Variants in BEND6 observed in about 807,000 individuals in gnomAD.
The protein encoded by BEND6 is BEN domain containing 6, also known as BEN domain-containing protein 6.
In BEND6, 24 loss-of-function variants were observed where a neutral mutation model predicts 31.8. The ratio of observed to expected loss-of-function variants is 0.75; its 90% CI spans 0.55 to 1.06. The LOEUF (loss-of-function observed/expected upper bound fraction) is 1.06, where lower values mean the gene tolerates loss of function less well. Among genes scored for constraint, BEND6 ranks in the 50% least tolerant of loss-of-function variants. BEND6 has a pLI of 0.00. For synonymous variants in BEND6, 109 were observed against 114.6 expected (o/e 0.95, Z 0.31); for missense variants, 294 against 327.4 (o/e 0.90, Z 0.79).
At chr6:57,022,471 T>C (rs1358448614) in intron 6 of BEND6, among the ~76,000 whole-genome samples, 1 of 151,968 alleles carries the variant, frequency 6.6e-6, no homozygotes, top group Non-Finnish European at 1.5e-5. Flanking sequence ...TCGGTTATTA[T>C]GTATCCTTTT....
chr6:56,965,363 T>TA (rs1562534531), intron 1 of BEND6, among the ~76,000 whole-genome samples: 1 of 152,134 alleles, frequency 6.6e-6, no homozygotes. Flanking sequence ...TTTGATAGTA[T>TA]AAAATTACAA....
At chr6:56,979,367 A>T (rs1218198405) in intron 1 of BEND6, among the ~76,000 whole-genome samples, 1 of 152,228 alleles carries the variant, frequency 6.6e-6, no homozygotes, top group African/African-American at 2.4e-5. Flanking sequence ...CCTAAAAATC[A>T]TTGAATTGTA....
At chr6:56,971,124 G>A (rs1482647005) in intron 1 of BEND6, among the ~76,000 whole-genome samples, 2 of 152,190 alleles carry the variant, frequency 1.3e-5, no homozygotes, top group Non-Finnish European at 2.9e-5. Context: ...TTAAACAATA[G>A]TTCCTATTCC....
intron 3 of BEND6, among the ~76,000 whole-genome samples, chr6:56,996,839 C>T (rs780575160): frequency 3.3e-5 from 5 of 152,088 alleles, no homozygotes; most frequent in Non-Finnish European, 5.9e-5. Flanking sequence ...CCACCATTAC[C>T]TCTCATCTAT....
At chr6:57,015,031 T>C (rs182332221) in intron 3 of BEND6, 102 bp from the exon 4 acceptor site, 139 of 843,986 alleles carry the variant, frequency 1.6e-4, no homozygotes, top group Admixed American at 1.5e-3. Context: ...ATGTTAAGTT[T>C]GTTCTGCATA....
chr6:57,011,554 C>CA, intron 3 of BEND6, among the ~76,000 whole-genome samples: 1 of 151,106 alleles, frequency 6.6e-6, no homozygotes, highest in South Asian at 2.1e-4. Context: ...TCCATTTCTA[C>CA]AAAAAATAAA....
At chr6:56,969,283 G>A (rs1825604112) in intron 1 of BEND6, among the ~76,000 whole-genome samples, 1 of 152,118 alleles carries the variant, frequency 6.6e-6, no homozygotes, top group South Asian at 2.1e-4. Flanking sequence ...TTTCAATCTT[G>A]ATTTGTCTTC....
intron 5 of BEND6, 121 bp from the exon 6 acceptor site, chr6:57,018,300 C>A: frequency 9.2e-7 from 1 of 1,085,898 alleles, no homozygotes; most frequent in Non-Finnish European, 1.3e-6. Context: ...GGTGTTTGGG[C>A]TACTTTTGTA....
At chr6:57,001,196 C>T (rs568104242) in intron 3 of BEND6, among the ~76,000 whole-genome samples, 9 of 143,600 alleles carry the variant, frequency 6.3e-5, no homozygotes, top group East Asian at 2.0e-4. Flanking sequence ...CAGGGTCTTG[C>T]TCTGTTGCCC....
intron 1 of BEND6, among the ~76,000 whole-genome samples, chr6:56,971,033 A>T (rs1825670640): frequency 6.6e-6 from 1 of 152,190 alleles, no homozygotes; most frequent in Admixed American, 6.5e-5. Context: ...AACATTAAAT[A>T]CCTTAGTATT....
At chr6:57,021,883 C>T (rs758376260) in intron 6 of BEND6, among the ~76,000 whole-genome samples, 8 of 152,122 alleles carry the variant, frequency 5.3e-5, no homozygotes, top group Non-Finnish European at 8.8e-5. Context: ...CTTCCTCCAA[C>T]GCAGGGTATT....
chr6:56,965,463 G>A (rs923038453), intron 1 of BEND6, among the ~76,000 whole-genome samples: 2 of 151,910 alleles, frequency 1.3e-5, no homozygotes, highest in Non-Finnish European at 2.9e-5. Context: ...TGTAACACCA[G>A]GACTTGTGTC....
intron 3 of BEND6, chr6:57,004,882 A>G: frequency 1.6e-6 from 1 of 607,712 alleles, no homozygotes. Context: ...ACATGGTGGC[A>G]TGTGCCAGTA....
intron 6 of BEND6, among the ~76,000 whole-genome samples, chr6:57,024,908 T>C (rs1827856671): frequency 6.6e-6 from 1 of 152,212 alleles, no homozygotes; most frequent in African/African-American, 2.4e-5. Context: ...TCATTCTTGT[T>C]TCTTTTTGCT....
chr6:56,964,826 G>T (rs1378163666), intron 1 of BEND6, among the ~76,000 whole-genome samples: 1 of 152,178 alleles, frequency 6.6e-6, no homozygotes, highest in South Asian at 2.1e-4. Flanking sequence ...TCTGAACCTC[G>T]ACGTTAGGTT....
chr6:57,025,438 G>C (rs1827870152), intron 6 of BEND6, among the ~76,000 whole-genome samples: 1 of 152,062 alleles, frequency 6.6e-6, no homozygotes, highest in Non-Finnish European at 1.5e-5. Context: ...GCACTAACTG[G>C]TGCCTTAAGC....
intron 2 of BEND6, among the ~76,000 whole-genome samples, chr6:56,989,104 CATT>C (rs1322981181): frequency 1.3e-5 from 2 of 150,496 alleles, no homozygotes; most frequent in Non-Finnish European, 1.5e-5. Context: ...AATGTAGTCT[CATT>C]ATACATTTCT....
chr6:56,988,040 A>G (rs1399364303), intron 2 of BEND6, among the ~76,000 whole-genome samples: 1 of 146,708 alleles, frequency 6.8e-6, no homozygotes, highest in East Asian at 2.0e-4. Context: ...TTTTTGAGAC[A>G]GAGTCTTGCT....
intron 1 of BEND6, among the ~76,000 whole-genome samples, chr6:56,960,992 TGTAGAA>T (rs72296004): frequency 0.051 from 7,749 of 152,236 alleles, 333 homozygotes; most frequent in East Asian, 0.18. Context: ...CTATCTCTAC[TGTAGAA>T]GTTCAAACTG....
Sources: gnomAD v4.1 joint callset for allele counts (sites outside exome capture counted in the v4.1 genomes callset) on GRCh38, gnomAD v4.1.1 for gene constraint, MANE v1.5 for transcripts, NCBI Gene and HGNC (gene_info 2026-07-23, HGNC 2026-07-21) for gene names.